RAB3GAP1: variants seen among roughly 807,000 people sequenced by gnomAD.
RAB3GAP1 encodes rab3 GTPase-activating protein catalytic subunit.
RAB3GAP1 carries 86 observed loss-of-function variants against 130.7 expected under a neutral mutation model. The ratio of observed to expected loss-of-function variants is 0.66; its 90% CI spans 0.55 to 0.79. RAB3GAP1 has a LOEUF of 0.79. Ranked by LOEUF, RAB3GAP1 falls within the 30% of genes least tolerant of loss-of-function variation. The pLI is 0.00. For synonymous variants in RAB3GAP1, 367 were observed against 401.7 expected, an observed-to-expected ratio of 0.91 and a Z score of 1.03; for missense variants, 1,029 against 1,169.4, an observed-to-expected ratio of 0.88 and a Z score of 1.75.
At chr2:135,165,240 C>G in intron 23 of RAB3GAP1, 3 of 439,168 alleles carry the variant, frequency 6.8e-6, no homozygotes, top group Non-Finnish European at 1.3e-5. Flanking sequence ...GAAAAATTAT[C>G]ATAACCATTA....
intron 3 of RAB3GAP1, among the ~76,000 whole-genome samples, chr2:135,073,157 G>A (rs375598388): frequency 3.3e-5 from 5 of 152,330 alleles, no homozygotes; most frequent in South Asian, 4.1e-4. Context: ...AGACATTGCC[G>A]AGGACTGGTG....
At chr2:135,167,726 C>G in intron 23 of RAB3GAP1, 3 of 1,475,162 alleles carry the variant, frequency 2.0e-6, no homozygotes, top group Non-Finnish European at 1.8e-6. Flanking sequence ...AACAAAATAG[C>G]CTTTGCCCCT....
intron 3 of RAB3GAP1, among the ~76,000 whole-genome samples, chr2:135,078,140 C>T (rs1008452520): frequency 6.6e-6 from 1 of 151,978 alleles, no homozygotes; most frequent in Non-Finnish European, 1.5e-5. Context: ...AAGGATTTCC[C>T]CTGTTTACTT....
intron 5 of RAB3GAP1, among the ~76,000 whole-genome samples, chr2:135,107,432 A>G (rs1353436995): frequency 6.6e-6 from 1 of 151,928 alleles, no homozygotes; most frequent in Non-Finnish European, 1.5e-5. Context: ...GGAAGGGGGA[A>G]GGAATGGAGT....
chr2:135,119,094 CCCTT>C (rs1284684747), intron 7 of RAB3GAP1, among the ~76,000 whole-genome samples: 14 of 118,752 alleles, frequency 1.2e-4, no homozygotes, highest in Non-Finnish European at 1.9e-4. Context: ...CTCCCTCCCT[CCCTT>C]CCTTCCTTCC....
intron 5 of RAB3GAP1, among the ~76,000 whole-genome samples, chr2:135,101,807 T>G (rs957166592): frequency 6.6e-6 from 1 of 152,210 alleles, no homozygotes; most frequent in Non-Finnish European, 1.5e-5. Context: ...TTTTATTTTC[T>G]TTAAATATCT....
At chr2:135,123,168 G>C (rs1028254773) in intron 8 of RAB3GAP1, among the ~76,000 whole-genome samples, 2 of 152,090 alleles carry the variant, frequency 1.3e-5, no homozygotes, top group African/African-American at 4.8e-5. Flanking sequence ...CATTCCACGA[G>C]TTGCTTCTCC....
chr2:135,073,561 A>G (rs1010862095), intron 3 of RAB3GAP1, among the ~76,000 whole-genome samples: 7 of 152,100 alleles, frequency 4.6e-5, no homozygotes, highest in African/African-American at 1.7e-4. Context: ...TCATTGGGGC[A>G]GTTTGCCTTC....
chr2:135,102,353 T>C (rs11898045), intron 5 of RAB3GAP1, among the ~76,000 whole-genome samples: 47,269 of 152,168 alleles, frequency 0.31, 11,088 homozygotes, highest in African/African-American at 0.64. Flanking sequence ...GCCTTGCAGC[T>C]ACCTTGAATT....
chr2:135,173,533 C>CA (rs1409297154), downstream of RAB3GAP1, among the ~76,000 whole-genome samples: 1 of 152,080 alleles, frequency 6.6e-6, no homozygotes, highest in Admixed American at 6.6e-5. Flanking sequence ...TGCAGAGGAG[C>CA]AAATGCATTC....
At chr2:135,065,767 ATTT>A (rs1201634667) in intron 3 of RAB3GAP1, among the ~76,000 whole-genome samples, 4 of 123,928 alleles carry the variant, frequency 3.2e-5, no homozygotes, top group Non-Finnish European at 4.9e-5. Context: ...ATCTTCACTA[ATTT>A]TTTTTTTTTT....
At chr2:135,115,642 T>C (rs1038275544) in intron 7 of RAB3GAP1, among the ~76,000 whole-genome samples, 2 of 152,234 alleles carry the variant, frequency 1.3e-5, no homozygotes, top group Non-Finnish European at 2.9e-5. Context: ...TTGACTGTGT[T>C]ATCTCTTCTA....
At chr2:135,159,546 T>TA (rs1692409430) in intron 19 of RAB3GAP1, among the ~76,000 whole-genome samples, 1 of 152,074 alleles carries the variant, frequency 6.6e-6, no homozygotes, top group Non-Finnish European at 1.5e-5. Context: ...TCAAGGTCAG[T>TA]AAAAACAATG....
At chr2:135,168,337 C>T (rs547499353) in intron 23 of RAB3GAP1, among the ~76,000 whole-genome samples, 17 of 152,352 alleles carry the variant, frequency 1.1e-4, no homozygotes, top group Non-Finnish European at 2.2e-4. Flanking sequence ...TCCTGTCTGT[C>T]TCCAGCCCGG....
At chr2:135,108,067 ATATTG>A (rs1321247142) in intron 5 of RAB3GAP1, among the ~76,000 whole-genome samples, 1 of 151,648 alleles carries the variant, frequency 6.6e-6, no homozygotes, top group Admixed American at 6.6e-5. Flanking sequence ...AATATATCAA[ATATTG>A]GTTAACTTTT....
downstream of RAB3GAP1, among the ~76,000 whole-genome samples, chr2:135,172,195 C>T (rs181335330): frequency 1.4e-3 from 219 of 151,846 alleles, no homozygotes; most frequent in African/African-American, 5.1e-3. Context: ...TTTGGGAGGC[C>T]GAGGCGGGCG....
At chr2:135,129,899 A>G (rs1646052067) in intron 11 of RAB3GAP1, 96 bp from the exon 12 acceptor site, 3 of 811,232 alleles carry the variant, frequency 3.7e-6, no homozygotes, top group Admixed American at 4.7e-5. Context: ...ACCATATCTT[A>G]GTTAATAGCT....
At chr2:135,087,323 A>T (rs1690016664) in intron 3 of RAB3GAP1, among the ~76,000 whole-genome samples, 1 of 152,222 alleles carries the variant, frequency 6.6e-6, no homozygotes, top group Non-Finnish European at 1.5e-5. Context: ...AAGTGTTAAA[A>T]TCAGGTAGTA....
At chr2:135,134,108 T>C in intron 15 of RAB3GAP1, 75 bp downstream of exon 15, 1 of 1,560,106 alleles carries the variant, frequency 6.4e-7, no homozygotes, top group Non-Finnish European at 8.8e-7. Context: ...ACCTATTTTT[T>C]CCCCCTTCTA....
Sources: allele counts gnomAD v4.1 joint callset (sites outside exome capture counted in the v4.1 genomes callset), GRCh38; gene constraint gnomAD v4.1.1; transcripts MANE v1.5; gene names NCBI Gene and HGNC (gene_info 2026-07-23, HGNC 2026-07-21).